Variants in DIAPH2 observed in about 807,000 individuals in gnomAD.
DIAPH2 encodes the protein protein diaphanous homolog 2.
DIAPH2 carries 35 observed loss-of-function variants against 92.7 expected under a neutral mutation model. The ratio of observed to expected loss-of-function variants is 0.38; its 90% CI spans 0.29 to 0.50. The LOEUF (loss-of-function observed/expected upper bound fraction) is 0.50, where lower values mean the gene tolerates loss of function less well. DIAPH2 is among the 20% of genes least tolerant of loss of function. DIAPH2 has a pLI of 0.94. For missense variants in DIAPH2, 701 were observed against 819.5 expected, an observed-to-expected ratio of 0.86 and a Z score of 1.77; for synonymous variants, 301 against 280.4, an observed-to-expected ratio of 1.07 and a Z score of -0.73.
chrX:97,278,330 A>G (rs2068468942), intron 23 of DIAPH2, among the ~76,000 whole-genome samples: 1 of 111,542 alleles, frequency 9.0e-6, no homozygotes. Flanking sequence ...ACAAATATTG[A>G]TATGTTAACA....
chrX:96,939,212 G>A, intron 11 of DIAPH2, 54 bp from the exon 12 acceptor site: 2 of 544,747 alleles, frequency 3.7e-6, no homozygotes, highest in South Asian at 2.7e-5. Context: ...AAACTCCTTT[G>A]TTATGAATGA....
intron 26 of DIAPH2, among the ~76,000 whole-genome samples, chrX:97,553,408 AT>A (rs2071234172): frequency 1.8e-5 from 2 of 111,676 alleles, no homozygotes; most frequent in South Asian, 7.4e-4. Flanking sequence ...ATTGATAAGA[AT>A]TTTTTTGGCA....
chrX:97,496,790 G>A (rs1003947639), intron 26 of DIAPH2, among the ~76,000 whole-genome samples: 2 of 109,019 alleles, frequency 1.8e-5, no homozygotes, highest in Non-Finnish European at 3.8e-5. Context: ...CGCCCACATC[G>A]GCCTCCCAAA....
chrX:97,483,393 G>A (rs2070664810), intron 26 of DIAPH2, among the ~76,000 whole-genome samples: 1 of 83,159 alleles, frequency 1.2e-5, no homozygotes, highest in Admixed American at 1.4e-4. Context: ...CAGTTGAAGG[G>A]GGCAAAAGAG....
chrX:96,817,735 G>A (rs954878206), intron 4 of DIAPH2, among the ~76,000 whole-genome samples: 9 of 109,554 alleles, frequency 8.2e-5, no homozygotes, highest in Non-Finnish European at 1.3e-4. Context: ...AGAACTCTCT[G>A]GGGTCCCTAA....
At position 97,545,530 on chromosome X, in the gene DIAPH2, AAAAAT is replaced by A. The variant is rs1381477641; in HGVS notation, c.3242-53721_3242-53717del. Among the ~76,000 whole-genome samples, 179 of 18,322 alleles carry A rather than the reference AAAAAT, an allele frequency of 9.8e-3. 1 individual carries two copies. The highest frequency in any genetic ancestry group is 0.013 in the African/African-American group (171 of 13,117). The allele number at this position is 18,322 out of a possible 115,157, so 15.9% of individuals were successfully genotyped here. On this transcript the variant is annotated intron_variant, in intron 26 of 26. Coordinates refer to ENST00000324765, the MANE Select transcript of DIAPH2 (RefSeq NM_006729.5). ...TCTTTTTTAAGTTTGATGAAAAAAA[AAAAAT>A]ATATATATATATATATATATATATA... is the stretch of plus-strand genomic sequence containing the variant.
At chrX:97,315,079 A>C (rs2068829426) in intron 23 of DIAPH2, among the ~76,000 whole-genome samples, 1 of 111,487 alleles carries the variant, frequency 9.0e-6, no homozygotes, top group Non-Finnish European at 1.9e-5. Flanking sequence ...TTTACTTATC[A>C]TTCTCCTTTT....
intron 4 of DIAPH2, among the ~76,000 whole-genome samples, chrX:96,792,958 A>C (rs2064511423): frequency 9.0e-6 from 1 of 111,623 alleles, no homozygotes; most frequent in African/African-American, 3.3e-5. Flanking sequence ...ACTTTAAAAT[A>C]GGCTCCAAGG....
At chrX:96,998,343 C>T (rs1255015387) in intron 17 of DIAPH2, among the ~76,000 whole-genome samples, 1 of 110,702 alleles carries the variant, frequency 9.0e-6, no homozygotes, top group Non-Finnish European at 1.9e-5. Context: ...GTTTACTGAG[C>T]AGATTTTTGA....
intron 22 of DIAPH2, among the ~76,000 whole-genome samples, chrX:97,162,856 C>T (rs1390249894): frequency 9.0e-6 from 1 of 111,416 alleles, no homozygotes; most frequent in Non-Finnish European, 1.9e-5. Context: ...CTATTTCTTG[C>T]TTTATGGTGC....
intron 26 of DIAPH2, among the ~76,000 whole-genome samples, chrX:97,546,847 AG>A (rs1486870064): frequency 1.8e-5 from 2 of 110,486 alleles, no homozygotes; most frequent in African/African-American, 6.6e-5. Context: ...AAAAAAAAAA[AG>A]TTACAATCAT....
At chrX:97,416,976 G>T (rs1473345017) in intron 25 of DIAPH2, among the ~76,000 whole-genome samples, 1 of 111,826 alleles carries the variant, frequency 8.9e-6, no homozygotes, top group Admixed American at 9.5e-5. Flanking sequence ...AGGTACCTGG[G>T]TCCGAAAGAC....
intron 23 of DIAPH2, among the ~76,000 whole-genome samples, chrX:97,303,377 A>G (rs1238234531): frequency 1.8e-5 from 2 of 111,914 alleles, no homozygotes; most frequent in African/African-American, 6.5e-5. Context: ...TGTATATTGT[A>G]AGACATACAG....
At chrX:96,865,048 A>G (rs1030145307) in intron 4 of DIAPH2, among the ~76,000 whole-genome samples, 3 of 112,186 alleles carry the variant, frequency 2.7e-5, no homozygotes, top group African/African-American at 9.7e-5. Context: ...GAAATTAACT[A>G]TTATACTTTC....
chrX:97,514,543 T>C (rs984691477), intron 26 of DIAPH2, among the ~76,000 whole-genome samples: 7 of 112,309 alleles, frequency 6.2e-5, no homozygotes, highest in African/African-American at 2.0e-4. Context: ...CTTTGTTCCG[T>C]TGCTGGTGAG....
chrX:97,490,057 T>C (rs539082967), intron 26 of DIAPH2, among the ~76,000 whole-genome samples: 10 of 111,656 alleles, frequency 9.0e-5, no homozygotes, highest in Non-Finnish European at 1.5e-4. Context: ...ATTTTTCTTT[T>C]TGCAGAGGGT....
intron 23 of DIAPH2, among the ~76,000 whole-genome samples, chrX:97,338,974 G>A (rs761047914): frequency 5.4e-5 from 6 of 111,563 alleles, no homozygotes; most frequent in Non-Finnish European, 1.1e-4. Flanking sequence ...CAATATAAAT[G>A]TACATTAAAG....
intron 26 of DIAPH2, among the ~76,000 whole-genome samples, chrX:97,589,491 C>G (rs894623044): frequency 9.1e-6 from 1 of 109,752 alleles, no homozygotes; most frequent in Non-Finnish European, 1.9e-5. Context: ...TCATATGGAC[C>G]TCTTTTTATC....
At chrX:96,707,261 G>C (rs148652924) in intron 1 of DIAPH2, among the ~76,000 whole-genome samples, 1 of 108,046 alleles carries the variant, frequency 9.3e-6, no homozygotes, top group Admixed American at 9.9e-5. Flanking sequence ...CTCTGCCTCC[G>C]GGGCTCAAGC....
Sources: allele counts gnomAD v4.1 joint callset (sites outside exome capture counted in the v4.1 genomes callset), GRCh38; gene constraint gnomAD v4.1.1; transcripts MANE v1.5; gene names NCBI Gene and HGNC (gene_info 2026-07-23, HGNC 2026-07-21).